UBN2: variants seen among roughly 807,000 people sequenced by gnomAD.
UBN2 encodes the protein ubinuclein 2.
A neutral mutation model predicts 120.2 loss-of-function variants in UBN2; 35 were observed. The observed-to-expected ratio is 0.29, with a 90% CI of 0.22 to 0.39. The LOEUF is 0.39. Ranked by LOEUF, UBN2 falls within the 10% of genes least tolerant of loss-of-function variation. UBN2 has a pLI of 1.00. For missense variants in UBN2, 1,693 were observed against 1,663.2 expected, an observed-to-expected ratio of 1.02 and a Z score of -0.31; for synonymous variants, 661 against 648.7, an observed-to-expected ratio of 1.02 and a Z score of -0.29.
intron 2 of UBN2, among the ~76,000 whole-genome samples, chr7:139,238,447 A>G (rs1796222009): frequency 6.7e-6 from 1 of 149,156 alleles, no homozygotes; most frequent in African/African-American, 2.5e-5. Flanking sequence ...TTTTTTTCTA[A>G]GACAGAGTCT....
intron 16 of UBN2, 34 bp downstream of exon 16, chr7:139,293,497 T>C: frequency 1.3e-6 from 2 of 1,578,756 alleles, no homozygotes; most frequent in Non-Finnish European, 1.7e-6. Context: ...TTGGGCTGTC[T>C]AGCTTGACAG....
intron 1 of UBN2, among the ~76,000 whole-genome samples, chr7:139,232,856 TA>T (rs1796066693): frequency 1.3e-5 from 2 of 152,308 alleles, no homozygotes; most frequent in Admixed American, 6.5e-5. Context: ...GGAGAAAGGA[TA>T]GGGGTTATGT....
At chr7:139,272,047 A>C (rs1030076528) in intron 8 of UBN2, among the ~76,000 whole-genome samples, 2 of 152,204 alleles carry the variant, frequency 1.3e-5, no homozygotes, top group African/African-American at 4.8e-5. Flanking sequence ...TTCACGGGGC[A>C]TTTTGAAGAG....
chr7:139,260,913 C>T (rs1269114833), intron 5 of UBN2, among the ~76,000 whole-genome samples: 1 of 152,192 alleles, frequency 6.6e-6, no homozygotes, highest in Non-Finnish European at 1.5e-5. Context: ...AAACACGGGG[C>T]TGCCTTTAAG....
In UBN2 at chr7:139,294,254, T is replaced by C. The variant is rs950446325; in HGVS notation, c.3994+273T>C. Among the ~76,000 whole-genome samples, 6 of 152,206 alleles carry C rather than the reference T, an allele frequency of 3.9e-5. No individual in the cohort carries two copies. The South Asian group carries it at 8.3e-4, about 21-fold the overall frequency. ...GGATTCATAAGATAGTTAAAAGTTATGTACAGTAATGATAGTAGTTTACAT... is the reference window on the plus strand; with the variant it reads ...GGATTCATAAGATAGTTAAAAGTTACGTACAGTAATGATAGTAGTTTACAT... On this transcript the variant is annotated intron_variant, in intron 17 of 17. Transcript: ENST00000473989.
chr7:139,328,230 C>T, the UBN2 span, among the ~76,000 whole-genome samples: 1 of 152,200 alleles, frequency 6.6e-6, no homozygotes, highest in Non-Finnish European at 1.5e-5. Flanking sequence ...AACTTACAAT[C>T]ATGATGGAAG....
chr7:139,231,735 T>G lies in UBN2; in HGVS notation c.251T>G (p.Met84Arg). ...GAGGTCAGCCGCGCCGAGCCGCCCA[T>G]GTCGCTGCAGCGGGAGCCCCCGCGG... ...QREVSRAEPP[M>R]SLQREPPRPE... The change falls in exon 1 of 18, where the codon ATG becomes AGG. Residue 84 changes from methionine to arginine, a missense_variant. Physicochemically the swap from Met to Arg is moderately conservative, Grantham distance 91. Transcript: ENST00000473989. 1 of 1,204,280 alleles carries G rather than the reference T, an allele frequency of 8.3e-7. No individual in the cohort carries two copies. The highest frequency in any genetic ancestry group is 1.0e-6 in the Non-Finnish European group (1 of 974,230). The allele number at this position is 1,204,280 out of a possible 1,614,324, so 74.6% of individuals were successfully genotyped here.
At chr7:139,293,776 A>G in intron 16 of UBN2, 113 bp from the exon 17 acceptor site, 1 of 937,014 alleles carries the variant, frequency 1.1e-6, no homozygotes, top group Non-Finnish European at 1.7e-6. Context: ...TAGTTTTAGA[A>G]GGCCTTCGAA....
rs1798305173 is a variant in UBN2, at chr7:139,303,433, C to T, written c.*5597C>T. The T allele has an allele frequency of 6.6e-6, 1 of 152,142 alleles. No homozygotes were observed. Among genetic ancestry groups the T allele is most frequent in the Non-Finnish European group, 1.5e-5 (1 of 68,030 alleles). The allele number at this position is 152,142 out of a possible 1,614,324, so 9.4% of individuals were successfully genotyped here. A position where few individuals can be genotyped will look rare whatever the true frequency, so the allele number is the denominator to read the frequency against. ...ATTGGGAAGAAGAAGAGACTAGTGG[C>T]TTAAAAGGAGAAAGCAGAAGCTCCT... On this transcript the variant is annotated 3_prime_UTR_variant, in exon 18 of 18. Transcript: ENST00000473989.
At chr7:139,292,635 A>T (rs966263093) in intron 15 of UBN2, among the ~76,000 whole-genome samples, 3 of 152,150 alleles carry the variant, frequency 2.0e-5, no homozygotes, top group Admixed American at 2.0e-4. Context: ...GTGTGGTTAT[A>T]AAAAAATAAT....
At chr7:139,290,006 G>T (rs1797906215) in intron 15 of UBN2, among the ~76,000 whole-genome samples, 1 of 152,024 alleles carries the variant, frequency 6.6e-6, no homozygotes, top group African/African-American at 2.4e-5. Flanking sequence ...CGGTTCTCCT[G>T]CCTCAGCCTC....
chr7:139,271,353 G>A (rs61658108), intron 8 of UBN2, among the ~76,000 whole-genome samples: 3 of 152,032 alleles, frequency 2.0e-5, no homozygotes, highest in East Asian at 1.9e-4. Context: ...TTGGGAGGCC[G>A]AGGCAGGCAG....
chr7:139,259,151 A>C (rs1338802739), intron 4 of UBN2, 116 bp from the exon 5 acceptor site: 1 of 1,448,106 alleles, frequency 6.9e-7, no homozygotes, highest in Non-Finnish European at 9.2e-7. Context: ...AGTTATAACA[A>C]ACGATTGTAA....
chr7:139,329,017 G>T, the UBN2 span, among the ~76,000 whole-genome samples: 1 of 152,162 alleles, frequency 6.6e-6, no homozygotes, highest in East Asian at 1.9e-4. Context: ...AGGCTGAGAT[G>T]GGAGGATCAC....
At chr7:139,324,490 AG>A in the UBN2 span, among the ~76,000 whole-genome samples, 1 of 137,258 alleles carries the variant, frequency 7.3e-6, no homozygotes, top group Non-Finnish European at 1.5e-5. Flanking sequence ...CAGAAGGCGG[AG>A]CTTGCAGTGA....
chr7:139,282,950 T>C, intron 14 of UBN2, 74 bp from the exon 15 acceptor site: 3 of 1,195,684 alleles, frequency 2.5e-6, no homozygotes, highest in Non-Finnish European at 2.3e-6. Context: ...TGAGAATCTT[T>C]TAGTTATTTA....
At chr7:139,255,143 C>G (rs1262737862) in intron 3 of UBN2, among the ~76,000 whole-genome samples, 1 of 152,170 alleles carries the variant, frequency 6.6e-6, no homozygotes, top group Non-Finnish European at 1.5e-5. Flanking sequence ...ACCTACTGGT[C>G]TTAACTGTCT....
At chr7:139,288,235 G>GTT (rs779147771) in intron 15 of UBN2, among the ~76,000 whole-genome samples, 15 of 152,140 alleles carry the variant, frequency 9.9e-5, no homozygotes, top group Non-Finnish European at 2.1e-4. Context: ...AAAAATACAA[G>GTT]TTTTTTCAAA....
the UBN2 span, among the ~76,000 whole-genome samples, chr7:139,320,799 T>C: frequency 2.0e-5 from 3 of 149,860 alleles, no homozygotes; most frequent in Non-Finnish European, 4.4e-5. Flanking sequence ...GAGGTTGCAG[T>C]GAGCCAAGAT....
Sources: allele counts gnomAD v4.1 joint callset (sites outside exome capture counted in the v4.1 genomes callset), GRCh38; gene constraint gnomAD v4.1.1; transcripts MANE v1.5; gene names NCBI Gene and HGNC (gene_info 2026-07-23, HGNC 2026-07-21).